RGS7: variants seen among roughly 807,000 people sequenced by gnomAD.
RGS7 encodes the protein regulator of G protein signaling 7, also known as regulator of G-protein signaling 7.
In RGS7, 27 loss-of-function variants were observed where a neutral mutation model predicts 81.1. The ratio of observed to expected loss-of-function variants is 0.33; its 90% confidence interval spans 0.25 to 0.46. The LOEUF (loss-of-function observed/expected upper bound fraction) is 0.46. Among genes scored for constraint, RGS7 ranks in the 20% least tolerant of loss-of-function variants. The pLI, the probability that RGS7 is intolerant of heterozygous loss-of-function variation, is 1.00. For missense variants in RGS7, 396 were observed against 607.4 expected (o/e 0.65, Z 3.66); for synonymous variants, 208 against 207.7 (o/e 1.00, Z -0.01).
At chr1:240,813,869 G>A (rs929513556) in intron 12 of RGS7, 141 bp from the exon 13 acceptor site, 7 of 670,610 alleles carry the variant, frequency 1.0e-5, no homozygotes, top group South Asian at 6.4e-5. Flanking sequence ...CAATCTTCAC[G>A]CTTCAGTAAC....
At chr1:240,818,842 A>G (rs1172351159) in intron 10 of RGS7, among the ~76,000 whole-genome samples, 1 of 152,150 alleles carries the variant, frequency 6.6e-6, no homozygotes, top group African/African-American at 2.4e-5. Flanking sequence ...GTTAGGAGGA[A>G]TAAGCTCTGG....
chr1:241,142,782 A>T (rs772424154), intron 2 of RGS7, among the ~76,000 whole-genome samples: 46 of 152,206 alleles, frequency 3.0e-4, no homozygotes, highest in Non-Finnish European at 6.0e-4. Context: ...ATGCAAATTT[A>T]TGCAGCCAGC....
intron 2 of RGS7, among the ~76,000 whole-genome samples, chr1:241,153,301 G>A (rs1192185049): frequency 2.0e-5 from 3 of 152,210 alleles, no homozygotes; most frequent in Non-Finnish European, 4.4e-5. Flanking sequence ...GAGACCAAAT[G>A]CACTGCCTTC....
intron 16 of RGS7, among the ~76,000 whole-genome samples, chr1:240,801,833 C>A (rs116726243): frequency 0.012 from 1,891 of 152,272 alleles, 44 homozygotes; most frequent in African/African-American, 0.042. Context: ...AAAAATCTAG[C>A]AGCATATCCT....
At chr1:241,148,601 C>G (rs1442337200) in intron 2 of RGS7, among the ~76,000 whole-genome samples, 1 of 152,156 alleles carries the variant, frequency 6.6e-6, no homozygotes, top group Non-Finnish European at 1.5e-5. Flanking sequence ...GACAAACAGC[C>G]CTTCTACTAC....
At chr1:240,985,225 C>T (rs559285154) in intron 3 of RGS7, among the ~76,000 whole-genome samples, 34 of 152,312 alleles carry the variant, frequency 2.2e-4, no homozygotes, top group African/African-American at 4.3e-4. Flanking sequence ...ACAAATCTTC[C>T]GCACAAGCCC....
intron 3 of RGS7, among the ~76,000 whole-genome samples, chr1:241,049,872 C>A (rs887921585): frequency 2.0e-5 from 3 of 152,178 alleles, no homozygotes; most frequent in African/African-American, 7.2e-5. Flanking sequence ...ATGGGTCACA[C>A]TGTACTAACC....
chr1:241,147,137 A>AAC (rs959941093), intron 2 of RGS7, among the ~76,000 whole-genome samples: 7 of 152,212 alleles, frequency 4.6e-5, no homozygotes, highest in African/African-American at 1.4e-4. Context: ...TGAAATTAAT[A>AAC]ACACACACAC....
At chr1:240,936,856 G>C (rs1254489551) in intron 4 of RGS7, 150 bp from the exon 5 acceptor site, 5 of 665,850 alleles carry the variant, frequency 7.5e-6, no homozygotes, top group Non-Finnish European at 1.3e-5. Context: ...CTTTGCTCTC[G>C]AGATAAACTT....
At chr1:241,059,141 T>C (rs1189137451) in intron 3 of RGS7, among the ~76,000 whole-genome samples, 2 of 152,232 alleles carry the variant, frequency 1.3e-5, no homozygotes, top group African/African-American at 4.8e-5. Flanking sequence ...CTCAGGGTGC[T>C]ATGCTTTGTC....
intron 6 of RGS7, among the ~76,000 whole-genome samples, chr1:240,921,769 A>G (rs1350670222): frequency 1.3e-5 from 2 of 152,116 alleles, no homozygotes; most frequent in East Asian, 3.8e-4. Flanking sequence ...AAATCAATGG[A>G]AAGACATACC....
At chr1:240,823,439 A>G in intron 10 of RGS7, 1 of 327,586 alleles carries the variant, frequency 3.1e-6, no homozygotes. Context: ...CTCACGTTAT[A>G]GTCCAGTCCG....
At chr1:240,863,582 T>A (rs935017872) in intron 9 of RGS7, among the ~76,000 whole-genome samples, 1 of 152,234 alleles carries the variant, frequency 6.6e-6, no homozygotes, top group Non-Finnish European at 1.5e-5. Flanking sequence ...ATAGGACTTA[T>A]CAGGCAGCCC....
intron 3 of RGS7, among the ~76,000 whole-genome samples, chr1:241,073,478 T>C (rs2062602899): frequency 6.6e-6 from 1 of 152,238 alleles, no homozygotes; most frequent in Admixed American, 6.5e-5. Flanking sequence ...GCTACAAAGT[T>C]AGATAAACTA....
At chr1:241,051,869 C>T (rs1194814064) in intron 3 of RGS7, among the ~76,000 whole-genome samples, 1 of 152,150 alleles carries the variant, frequency 6.6e-6, no homozygotes, top group African/African-American at 2.4e-5. Flanking sequence ...TTATTACTAT[C>T]TCATTTCACA....
At chr1:241,002,892 C>T (rs1186130488) in intron 3 of RGS7, among the ~76,000 whole-genome samples, 1 of 152,196 alleles carries the variant, frequency 6.6e-6, no homozygotes, top group Non-Finnish European at 1.5e-5. Context: ...TACAAGTTTT[C>T]ACTCAATACA....
rs534695389 is a variant in RGS7, at chr1:241,196,853, A to C, written c.79-98091T>G. On this transcript the variant is annotated intron_variant, in intron 2 of 18. Transcript: ENST00000440928. Reference sequence around the variant, plus strand: ...GTTGGTAAAAATAGTAATTTATGTTAGACTTGAATTTCAGGGATGTATTAT... The same window carrying C: ...GTTGGTAAAAATAGTAATTTATGTTCGACTTGAATTTCAGGGATGTATTAT... 9.9e-5 allele frequency among the ~76,000 whole-genome samples: 15 copies of C among 152,104 alleles called. No homozygotes were observed. The South Asian group carries it at 2.9e-3, about 29-fold the overall frequency.
chr1:241,056,958 C>A (rs979812587), intron 3 of RGS7, among the ~76,000 whole-genome samples: 1 of 152,270 alleles, frequency 6.6e-6, no homozygotes, highest in South Asian at 2.1e-4. Context: ...AATACACAGT[C>A]CTTTTTTGTC....
At chr1:241,259,667 A>AAAAAAAAAAATATATAT in intron 2 of RGS7, among the ~76,000 whole-genome samples, 4 of 49,146 alleles carry the variant, frequency 8.1e-5, no homozygotes, top group African/African-American at 7.9e-5. Context: ...AAAAAAAAAA[A>AAAAAAAAAAATATATAT]ATATATATAT....
Sources: gnomAD v4.1 joint callset for allele counts (sites outside exome capture counted in the v4.1 genomes callset) on GRCh38, gnomAD v4.1.1 for gene constraint, MANE v1.5 for transcripts, NCBI Gene and HGNC (gene_info 2026-07-23, HGNC 2026-07-21) for gene names.